The following MTFR1 variants were observed in gnomAD, a reference collection of about 807,000 sequenced individuals.
The protein encoded by MTFR1 is chondrocyte protein with a poly-proline region.
In MTFR1, 28 loss-of-function variants were observed where a neutral mutation model predicts 38.8. That is an observed-to-expected ratio of 0.72 (90% confidence interval 0.53 to 0.99). The LOEUF (loss-of-function observed/expected upper bound fraction) is 0.99. MTFR1 is among the 50% of genes least tolerant of loss of function. The pLI, the probability that MTFR1 is intolerant of heterozygous loss-of-function variation, is 0.00. For synonymous variants in MTFR1, 145 were observed against 137.0 expected, an observed-to-expected ratio of 1.06 and a Z score of -0.41; for missense variants, 358 against 395.5, an observed-to-expected ratio of 0.91 and a Z score of 0.81.
At chr8:65,726,480 T>C (rs78400840) in intron 3 of MTFR1, among the ~76,000 whole-genome samples, 2,424 of 152,308 alleles carry the variant, frequency 0.016, 75 homozygotes, top group African/African-American at 0.054. Context: ...CAGATTTTAA[T>C]GAATCTATTT....
chr8:65,719,091 T>C (rs1806266613), intron 2 of MTFR1: 1 of 582,510 alleles, frequency 1.7e-6, no homozygotes, highest in African/African-American at 1.9e-5. Flanking sequence ...GCCAAATTCA[T>C]ATTGCTGTAT....
At chr8:65,735,362 G>A (rs111507264) in intron 3 of MTFR1, among the ~76,000 whole-genome samples, 1 of 152,092 alleles carries the variant, frequency 6.6e-6, no homozygotes, top group Non-Finnish European at 1.5e-5. Context: ...AGGCTGGAGT[G>A]CAGTGACATG....
At chr8:65,662,970 G>T (rs1308495341) in intron 1 of MTFR1, among the ~76,000 whole-genome samples, 2 of 151,740 alleles carry the variant, frequency 1.3e-5, no homozygotes, top group Non-Finnish European at 1.5e-5. Context: ...CCTCTGCCCG[G>T]CCGCCCCTAC....
At chr8:65,747,517 A>G (rs1031830303) in intron 3 of MTFR1, 3 of 510,758 alleles carry the variant, frequency 5.9e-6, no homozygotes, top group Middle Eastern at 1.1e-3. Context: ...CTCTAAAGAA[A>G]AAAACCTGGA....
At chr8:65,707,365 T>C (rs538044479) in intron 6 of MTFR1, 109 bp downstream of exon 6, 1 of 1,209,966 alleles carries the variant, frequency 8.3e-7, no homozygotes, top group East Asian at 2.4e-5. Context: ...GAATAGTTTT[T>C]AGTTTAAAAA....
exon 4 of MTFR1, chr8:65,770,955 C>T (rs1215532837): frequency 1.6e-5 from 4 of 257,234 alleles, no homozygotes; most frequent in Admixed American, 1.1e-4. Context: ...AGAAAAGACT[C>T]GTTAAAGTCA....
intron 3 of MTFR1, chr8:65,739,478 T>C (rs367557804): frequency 8.5e-6 from 13 of 1,530,718 alleles, no homozygotes; most frequent in Non-Finnish European, 1.1e-5. Context: ...ATCTTGTTAC[T>C]GTTAATGGGT....
intron 2 of MTFR1, among the ~76,000 whole-genome samples, chr8:65,679,134 A>T (rs1804804744): frequency 6.6e-6 from 1 of 152,196 alleles, no homozygotes; most frequent in South Asian, 2.1e-4. Flanking sequence ...GGGGAGAAAG[A>T]TTCACTTTAG....
At chr8:65,775,651 G>A (rs562764313), downstream of MTFR1, among the ~76,000 whole-genome samples, 19 of 152,248 alleles carry the variant, frequency 1.2e-4, no homozygotes, top group South Asian at 2.1e-4. Flanking sequence ...TCTTTGAGAC[G>A]AAGTCTCGCT....
chr8:65,759,790 G>A (rs1808406072), intron 3 of MTFR1, among the ~76,000 whole-genome samples: 1 of 151,832 alleles, frequency 6.6e-6, no homozygotes, highest in Admixed American at 6.6e-5. Context: ...TTGAGAATGG[G>A]GAAAGGTTGC....
chr8:65,661,274 G>A (rs1340285118), intron 1 of MTFR1, among the ~76,000 whole-genome samples: 1 of 152,236 alleles, frequency 6.6e-6, no homozygotes, highest in East Asian at 1.9e-4. Flanking sequence ...CCACTCTTGT[G>A]TGGGATATTG....
At chr8:65,670,060 T>C in intron 2 of MTFR1, 42 bp downstream of exon 2, 2 of 1,521,972 alleles carry the variant, frequency 1.3e-6, no homozygotes, top group Non-Finnish European at 1.8e-6. Context: ...GACATTTAGA[T>C]ATTTTAAGAA....
chr8:65,710,978 C>CAT (rs201983025), downstream of MTFR1, among the ~76,000 whole-genome samples: 20,538 of 149,402 alleles, frequency 0.14, 1,915 homozygotes, highest in African/African-American at 0.25. Context: ...GAGGGACTCT[C>CAT]ATATATATAT....
At chr8:65,683,968 T>C (rs1226832364) in intron 3 of MTFR1, among the ~76,000 whole-genome samples, 2 of 152,240 alleles carry the variant, frequency 1.3e-5, no homozygotes. Flanking sequence ...AACTAAGTTT[T>C]ATAAACTTTT....
At chr8:65,723,474 A>G in intron 3 of MTFR1, 1 of 1,299,880 alleles carries the variant, frequency 7.7e-7, no homozygotes, top group Non-Finnish European at 1.0e-6. Context: ...TATTTCAAAT[A>G]TATTTCCCTT....
At chr8:65,717,227 TTTGA>T (rs1806177086) in intron 2 of MTFR1, among the ~76,000 whole-genome samples, 1 of 152,214 alleles carries the variant, frequency 6.6e-6, no homozygotes, top group African/African-American at 2.4e-5. Flanking sequence ...TGTTAATGTG[TTTGA>T]TTTAGAAGTT....
intron 3 of MTFR1, chr8:65,719,508 G>C: frequency 6.4e-7 from 1 of 1,561,670 alleles, no homozygotes; most frequent in Non-Finnish European, 8.8e-7. Context: ...TGAGAAAATA[G>C]GAGAAAAAGT....
intron 3 of MTFR1, among the ~76,000 whole-genome samples, chr8:65,730,517 G>T (rs1349671466): frequency 1.3e-5 from 2 of 152,012 alleles, no homozygotes; most frequent in African/African-American, 4.8e-5. Context: ...CTGATGATCT[G>T]AAGTGTAACA....
At chr8:65,682,788 T>C in intron 3 of MTFR1, 1 of 985,372 alleles carries the variant, frequency 1.0e-6, no homozygotes, top group Non-Finnish European at 1.2e-6. Context: ...ATTTTTCTTC[T>C]GTAATTATAC....
Sources: gnomAD v4.1 joint callset for allele counts (sites outside exome capture counted in the v4.1 genomes callset) on GRCh38, gnomAD v4.1.1 for gene constraint, MANE v1.5 for transcripts, NCBI Gene and HGNC (gene_info 2026-07-23, HGNC 2026-07-21) for gene names.